PAPPA: variants seen among roughly 807,000 people sequenced by gnomAD.
PAPPA encodes the protein pappalysin 1.
PAPPA carries 60 observed loss-of-function variants against 164.0 expected under a neutral mutation model. The observed-to-expected ratio is 0.37, with a 90% CI of 0.30 to 0.45. PAPPA has a LOEUF of 0.45. Ranked by LOEUF, PAPPA falls within the 20% of genes least tolerant of loss-of-function variation. The pLI is 1.00. For missense variants in PAPPA, 1,782 were observed against 2,087.3 expected, an observed-to-expected ratio of 0.85 and a Z score of 2.85; for synonymous variants, 875 against 814.1, an observed-to-expected ratio of 1.07 and a Z score of -1.27.
chr9:116,343,741 T>TTTTTTTTA (rs1554753946), intron 13 of PAPPA, among the ~76,000 whole-genome samples: 13 of 142,230 alleles, frequency 9.1e-5, no homozygotes, highest in South Asian at 2.3e-4. Context: ...TACCACTTAT[T>TTTTTTTTA]TTTATTTATT....
At chr9:116,308,947 AAAT>A in intron 10 of PAPPA, among the ~76,000 whole-genome samples, 1 of 152,366 alleles carries the variant, frequency 6.6e-6, no homozygotes, top group South Asian at 2.1e-4. Context: ...GGGGAGAAAA[AAAT>A]AATAAATGCA....
At chr9:116,237,746 G>A (rs1395162515) in intron 7 of PAPPA, among the ~76,000 whole-genome samples, 1 of 149,990 alleles carries the variant, frequency 6.7e-6, no homozygotes, top group African/African-American at 2.5e-5. Context: ...TTCCAAGACA[G>A]TCTTGCACTC....
chr9:116,312,823 C>G (rs1845737500), intron 10 of PAPPA, among the ~76,000 whole-genome samples: 1 of 152,000 alleles, frequency 6.6e-6, no homozygotes, highest in African/African-American at 2.4e-5. Context: ...GTGGCTCACG[C>G]CTGTAATCCC....
At chr9:116,186,263 TATATAGATATAG>T (rs10612680) in intron 1 of PAPPA, among the ~76,000 whole-genome samples, 11 of 148,954 alleles carry the variant, frequency 7.4e-5, no homozygotes, top group African/African-American at 1.7e-4. Context: ...TCTATATAGA[TATATAGATATAG>T]ATATAGATAT....
At chr9:116,331,077 C>T (rs751084063) in intron 10 of PAPPA, among the ~76,000 whole-genome samples, 167 bp from the exon 11 acceptor site, 1 of 152,194 alleles carries the variant, frequency 6.6e-6, no homozygotes. Context: ...ATTACCTCTT[C>T]TACATTAGAA....
At chr9:116,321,606 G>A (rs773605764) in intron 10 of PAPPA, among the ~76,000 whole-genome samples, 1 of 152,158 alleles carries the variant, frequency 6.6e-6, no homozygotes, top group East Asian at 1.9e-4. Context: ...ACGTGGGAAT[G>A]AGTCCTGGTT....
At position 116,250,049 on chromosome 9, in the gene PAPPA, GT is replaced by G. The variant is rs1297821317; in HGVS notation, c.2732+14413del. On this transcript the variant is annotated intron_variant, in intron 7 of 21. Coordinates refer to ENST00000328252, the MANE Select transcript of PAPPA (RefSeq NM_002581.5). The stretch of plus-strand genomic sequence containing the variant: ...TGTGTGTGTGTGTGTGTGTGTGTGT[GT>G]GTTTGGAGCAGGCAAACAAAGACCT... Among the ~76,000 whole-genome samples the G allele has an allele frequency of 2.7e-3, 384 of 144,360 alleles. 11 individuals carry two copies. The East Asian group carries it at 0.072, about 27-fold the overall frequency. The allele number at this position is 144,360 out of a possible 152,430, so 94.7% of individuals were successfully genotyped here. A position where few individuals can be genotyped will look rare whatever the true frequency, so the allele number is the denominator to read the frequency against.
At chr9:116,253,394 G>C (rs187622993) in intron 7 of PAPPA, among the ~76,000 whole-genome samples, 210 of 152,254 alleles carry the variant, frequency 1.4e-3, no homozygotes, top group Admixed American at 3.7e-3. Flanking sequence ...AACAATAAAA[G>C]TGATGTCCAG....
intron 5 of PAPPA, among the ~76,000 whole-genome samples, 154 bp from the exon 6 acceptor site, chr9:116,227,277 G>A (rs1020226701): frequency 2.0e-5 from 3 of 152,144 alleles, no homozygotes; most frequent in African/African-American, 7.2e-5. Flanking sequence ...TTTCACTTAC[G>A]GTTATTTCCA....
rs117972279 is a variant in PAPPA at position 116,239,441 on chromosome 9, C to T, written c.2732+3804C>T. 1.5e-3 allele frequency among the ~76,000 whole-genome samples: 231 copies of T among 152,218 alleles called. 5 individuals are homozygous for T. In the East Asian group the frequency reaches 0.041, roughly 27 times the overall value. On this transcript the variant is annotated intron_variant, in intron 7 of 21. Coordinates refer to ENST00000328252, the MANE Select transcript of PAPPA (RefSeq NM_002581.5). ...CATTAAGCCCTTCTCTATGGGTAGA[C>T]ATAGAGAAGGTGTCTGGGGTAACAG...
At chr9:116,348,171 ATCTC>A (rs1197689194) in intron 15 of PAPPA, among the ~76,000 whole-genome samples, 13 of 151,866 alleles carry the variant, frequency 8.6e-5, no homozygotes, top group Admixed American at 4.6e-4. Flanking sequence ...ACAGGGAAAT[ATCTC>A]TCTATTTCCA....
chr9:116,311,286 A>G (rs774761878), intron 10 of PAPPA, among the ~76,000 whole-genome samples: 2 of 152,168 alleles, frequency 1.3e-5, no homozygotes, highest in Non-Finnish European at 2.9e-5. Flanking sequence ...CATTTTCAAC[A>G]TGAGGTTGAA....
intron 2 of PAPPA, among the ~76,000 whole-genome samples, chr9:116,194,691 T>G (rs1417485520): frequency 6.6e-6 from 1 of 152,208 alleles, no homozygotes; most frequent in African/African-American, 2.4e-5. Context: ...TGGAGTCATC[T>G]GTGTGAGACA....
intron 10 of PAPPA, among the ~76,000 whole-genome samples, chr9:116,308,245 G>A (rs1845671383): frequency 6.6e-6 from 1 of 152,208 alleles, no homozygotes; most frequent in African/African-American, 2.4e-5. Flanking sequence ...AAAGACCCAA[G>A]AGTGAGAGTG....
At chr9:116,311,745 C>T (rs992715742) in intron 10 of PAPPA, among the ~76,000 whole-genome samples, 15 of 152,152 alleles carry the variant, frequency 9.9e-5, no homozygotes, top group Admixed American at 7.2e-4. Flanking sequence ...GTGTATAATA[C>T]GTGGCTACGT....
chr9:116,316,784 A>G (rs1205283021), intron 10 of PAPPA, among the ~76,000 whole-genome samples: 1 of 152,218 alleles, frequency 6.6e-6, no homozygotes, highest in East Asian at 1.9e-4. Context: ...ACATCACTGC[A>G]TTGCATCCTT....
intron 13 of PAPPA, among the ~76,000 whole-genome samples, chr9:116,342,027 G>C (rs548201792): frequency 3.3e-5 from 5 of 152,126 alleles, no homozygotes; most frequent in African/African-American, 1.2e-4. Flanking sequence ...AAATAATTGG[G>C]GAGGGCACTA....
chr9:116,201,849 G>A (rs79425220), intron 2 of PAPPA, among the ~76,000 whole-genome samples: 2,666 of 152,200 alleles, frequency 0.018, 62 homozygotes, highest in East Asian at 0.11. Context: ...CAGTCTCTAG[G>A]TTGCTTAAAA....
intron 1 of PAPPA, among the ~76,000 whole-genome samples, chr9:116,161,709 GAA>G (rs57639944): frequency 1.2e-4 from 12 of 103,048 alleles, no homozygotes; most frequent in African/African-American, 2.0e-4. Flanking sequence ...AAAAGCTCCA[GAA>G]AAAAAAAAAA....
Sources: allele counts gnomAD v4.1 joint callset (sites outside exome capture counted in the v4.1 genomes callset), GRCh38; gene constraint gnomAD v4.1.1; transcripts MANE v1.5; gene names NCBI Gene and HGNC (gene_info 2026-07-23, HGNC 2026-07-21).